The following ZBTB16 variants were observed in gnomAD, a reference collection of about 807,000 sequenced individuals.
The protein encoded by ZBTB16 is zinc finger and BTB domain-containing protein 16.
ZBTB16 carries 8 observed loss-of-function variants against 56.8 expected under a neutral mutation model. The ratio of observed to expected loss-of-function variants is 0.14; its 90% CI spans 0.08 to 0.25. The LOEUF (loss-of-function observed/expected upper bound fraction) is 0.25, where lower values mean the gene tolerates loss of function less well. Among genes scored for constraint, ZBTB16 ranks in the 10% least tolerant of loss-of-function variants. ZBTB16 has a pLI of 1.00. For synonymous variants in ZBTB16, 363 were observed against 368.5 expected, an observed-to-expected ratio of 0.98 and a Z score of 0.17; for missense variants, 625 against 903.0, an observed-to-expected ratio of 0.69 and a Z score of 3.95.
intron 3 of ZBTB16, among the ~76,000 whole-genome samples, chr11:114,168,764 G>A (rs1195540216): frequency 6.6e-6 from 1 of 152,200 alleles, no homozygotes; most frequent in Non-Finnish European, 1.5e-5. Context: ...TCAAACTGGG[G>A]AGCTGAGACC....
intron 4 of ZBTB16, among the ~76,000 whole-genome samples, chr11:114,200,516 G>C (rs779629880): frequency 8.5e-5 from 13 of 152,174 alleles, no homozygotes; most frequent in Non-Finnish European, 1.5e-4. Context: ...GGGCTTCACT[G>C]TCTGCATCAC....
At chr11:114,088,178 G>A (rs545867504) in intron 2 of ZBTB16, among the ~76,000 whole-genome samples, 33 of 124,278 alleles carry the variant, frequency 2.7e-4, no homozygotes, top group African/African-American at 9.6e-4. Context: ...GTCTCACTCT[G>A]TTGCCCAGGC....
chr11:114,143,849 T>G lies in ZBTB16; in HGVS notation c.1269-12488T>G, dbSNP rs943968070. On this transcript the variant is annotated intron_variant, in intron 2 of 6. Coordinates refer to ENST00000335953, the MANE Select transcript of ZBTB16 (RefSeq NM_006006.6). This position sits in a 1 kb window ranked among gnomAD's most constrained non-coding sequence, Gnocchi z 6.4. ...ATAGCATGCAGTATGTTGTTGGGTA[T>G]TGTGTTGCACCGTGAGACTGAAAGT... is the stretch of plus-strand genomic sequence containing the variant. 6.6e-6 allele frequency among the ~76,000 whole-genome samples: 1 copy of G among 152,166 alleles called. No homozygotes were observed. The highest frequency in any genetic ancestry group is 2.1e-4 in the South Asian group (1 of 4,836).
In ZBTB16 at chr11:114,116,352, G is replaced by A. The variant is rs553136931; in HGVS notation, c.1269-39985G>A. On this transcript the variant is annotated intron_variant, in intron 2 of 6. Transcript: ENST00000335953. ...CCAGGTGTGTGTGTCTGAAATGAGT[G>A]TTTTGAATCTAACTGCATATTTGAT... 5.9e-5 allele frequency among the ~76,000 whole-genome samples: 9 copies of A among 152,282 alleles called. No individual in the cohort carries two copies. The South Asian group carries it at 1.0e-3, about 18-fold the overall frequency.
rs532160470 is a variant in ZBTB16 at position 114,063,041 on chromosome 11, A to G, written c.-90-170A>G. 6.6e-6 allele frequency among the ~76,000 whole-genome samples: 1 copy of G among 152,262 alleles called. No individual in the cohort carries two copies. The highest frequency in any genetic ancestry group is 2.1e-4 in the South Asian group (1 of 4,822). On this transcript the variant is annotated intron_variant, in intron 1 of 6. Transcript: ENST00000335953. The surrounding 1 kb of genome is among the most constrained non-coding windows in gnomAD (Gnocchi z 6.5). ...CCTGGCTTGAAAGGCAGATTTGTAG[A>G]TTTCTAGGAAGCTACTTCAATTAAA...
chr11:114,121,323 C>G (rs972897098), intron 2 of ZBTB16, among the ~76,000 whole-genome samples: 1 of 152,110 alleles, frequency 6.6e-6, no homozygotes, highest in Non-Finnish European at 1.5e-5. Context: ...TCCAGGGCAC[C>G]GTGGCTTCTG....
At chr11:114,198,476 G>A (rs1943656027) in intron 4 of ZBTB16, among the ~76,000 whole-genome samples, 1 of 152,206 alleles carries the variant, frequency 6.6e-6, no homozygotes, top group Non-Finnish European at 1.5e-5. Context: ...GTCTCCTGCT[G>A]GCCCAGACCA....
intron 4 of ZBTB16, among the ~76,000 whole-genome samples, chr11:114,194,459 G>A (rs1214712660): frequency 1.3e-5 from 2 of 152,268 alleles, no homozygotes; most frequent in Admixed American, 1.3e-4. Flanking sequence ...AGGAGGCCAC[G>A]CTTATGGTTG....
intron 2 of ZBTB16, among the ~76,000 whole-genome samples, chr11:114,153,664 C>G (rs1257523292): frequency 6.6e-6 from 1 of 152,190 alleles, no homozygotes; most frequent in Non-Finnish European, 1.5e-5. Context: ...CAATCCTAGC[C>G]TGGCTGCCTC....
chr11:114,130,877 C>G (rs1332199536), intron 2 of ZBTB16, among the ~76,000 whole-genome samples: 1 of 152,242 alleles, frequency 6.6e-6, no homozygotes, highest in Non-Finnish European at 1.5e-5. Flanking sequence ...TAATTCATTA[C>G]ATTTTCTGGC....
chr11:114,201,335 A>C (rs1943732652), intron 4 of ZBTB16, among the ~76,000 whole-genome samples: 1 of 151,910 alleles, frequency 6.6e-6, no homozygotes, highest in Non-Finnish European at 1.5e-5. Flanking sequence ...TTGGCATCTC[A>C]TTGGAGGTGT....
chr11:114,146,428 C>G (rs1412122504), intron 2 of ZBTB16, among the ~76,000 whole-genome samples: 18 of 152,148 alleles, frequency 1.2e-4, no homozygotes, highest in Non-Finnish European at 2.9e-5. Flanking sequence ...TGTGGCCTCA[C>G]TTTCTCCATC....
chr11:114,132,111 T>A (rs1410964239), intron 2 of ZBTB16, among the ~76,000 whole-genome samples: 2 of 152,146 alleles, frequency 1.3e-5, no homozygotes, highest in Non-Finnish European at 1.5e-5. Context: ...ATGTCAAATG[T>A]TCTGGAACTG....
chr11:114,168,022 C>A (rs543891464), intron 3 of ZBTB16, among the ~76,000 whole-genome samples: 21 of 152,354 alleles, frequency 1.4e-4, no homozygotes, highest in African/African-American at 4.6e-4. Flanking sequence ...ATTTATCTAT[C>A]CCCTCTTATG....
intron 3 of ZBTB16, among the ~76,000 whole-genome samples, chr11:114,173,151 AT>A (rs1160180355): frequency 1.3e-5 from 2 of 152,206 alleles, no homozygotes; most frequent in Admixed American, 6.5e-5. Flanking sequence ...CAGTTTGAAC[AT>A]TTTACTACTT....
At chr11:114,066,911 C>T (rs1565606168) in intron 2 of ZBTB16, among the ~76,000 whole-genome samples, 1 of 151,854 alleles carries the variant, frequency 6.6e-6, no homozygotes, top group South Asian at 2.1e-4. Context: ...GCTGGGACTA[C>T]AGGCACCTGT....
chr11:114,219,660 T>TA lies in ZBTB16; in HGVS notation c.1454-22496dup, dbSNP rs35501585. Among the ~76,000 whole-genome samples the TA allele has an allele frequency of 8.2e-4, 123 of 149,166 alleles. 1 individual carries two copies. Among genetic ancestry groups the TA allele is most frequent in the Admixed American group, 2.8e-3 (42 of 14,994 alleles). ...CTCTGGAGGAACTTTAAAAAAAGCT[T>TA]AAAAAAAAAAAGTCTTTTAAACAGT... On this transcript the variant is annotated intron_variant, in intron 4 of 6. Coordinates refer to ENST00000335953, the MANE Select transcript of ZBTB16 (RefSeq NM_006006.6).
chr11:114,100,642 G>A (rs919286588), intron 2 of ZBTB16, among the ~76,000 whole-genome samples: 3 of 152,142 alleles, frequency 2.0e-5, no homozygotes, highest in Non-Finnish European at 4.4e-5. Flanking sequence ...GGATTTGGAG[G>A]TGCTGGCAAG....
intron 4 of ZBTB16, among the ~76,000 whole-genome samples, chr11:114,233,142 C>G (rs1365600204): frequency 2.7e-5 from 4 of 147,140 alleles, no homozygotes; most frequent in Non-Finnish European, 6.0e-5. Flanking sequence ...CTCTCTCACA[C>G]TCCCTTTCCT....
Sources: allele counts gnomAD v4.1 joint callset (sites outside exome capture counted in the v4.1 genomes callset), GRCh38; gene constraint gnomAD v4.1.1; non-coding constraint Gnocchi (gnomAD v3.1); transcripts MANE v1.5; gene names NCBI Gene and HGNC (gene_info 2026-07-23, HGNC 2026-07-21).